SIPA1L1: variants seen among roughly 807,000 people sequenced by gnomAD.
The protein encoded by SIPA1L1 is signal induced proliferation associated 1 like 1, also known as signal-induced proliferation-associated 1-like protein 1.
In SIPA1L1, 26 loss-of-function variants were observed where a neutral mutation model predicts 162.7. The ratio of observed to expected loss-of-function variants is 0.16; its 90% CI spans 0.12 to 0.22. SIPA1L1 has a LOEUF of 0.22. Among genes scored for constraint, SIPA1L1 ranks in the 10% least tolerant of loss-of-function variants. The pLI, the probability that SIPA1L1 is intolerant of heterozygous loss-of-function variation, is 1.00. For synonymous variants in SIPA1L1, 829 were observed against 837.4 expected (o/e 0.99, Z 0.17); for missense variants, 1,874 against 2,241.0 (o/e 0.84, Z 3.31).
chr14:71,372,547 C>A (rs1363369495), intron 2 of SIPA1L1, among the ~76,000 whole-genome samples: 2 of 152,034 alleles, frequency 1.3e-5, no homozygotes, highest in African/African-American at 4.8e-5. Flanking sequence ...ACATTCTGTC[C>A]TAGTGACTAA....
At chr14:71,325,606 T>C (rs768217895) in intron 2 of SIPA1L1, among the ~76,000 whole-genome samples, 11 of 152,198 alleles carry the variant, frequency 7.2e-5, no homozygotes, top group Non-Finnish European at 1.6e-4. Context: ...CATTTGCAAA[T>C]AGAACAGAGT....
intron 2 of SIPA1L1, among the ~76,000 whole-genome samples, chr14:71,417,800 A>C (rs2042915445): frequency 6.6e-6 from 1 of 152,208 alleles, no homozygotes; most frequent in South Asian, 2.1e-4. Context: ...AATGCTAACT[A>C]TAATACAGTA....
rs1008581846 is a variant in SIPA1L1 at position 71,522,492 on chromosome 14, T to C, written c.-361-6820T>C. Among the ~76,000 whole-genome samples the C allele has an allele frequency of 7.9e-5, 12 of 152,232 alleles. No individual in the cohort carries two copies. In the East Asian group the frequency reaches 2.3e-3, roughly 29 times the overall value. ...TTTGGAATATTTGTAGTATACTTTC[T>C]AGTTGAGCATCCCTATCTGAAAAAC... is the stretch of plus-strand genomic sequence containing the variant. On this transcript the variant is annotated intron_variant, in intron 3 of 23. Coordinates refer to ENST00000381232, the MANE Select transcript of SIPA1L1 (RefSeq NM_001386936.1).
At chr14:71,655,957 A>T (rs2043018431) in intron 8 of SIPA1L1, among the ~76,000 whole-genome samples, 1 of 152,096 alleles carries the variant, frequency 6.6e-6, no homozygotes, top group Admixed American at 6.6e-5. Flanking sequence ...TATAGCAAAC[A>T]TTCTTTTTTC....
chr14:71,565,955 A>G (rs564091634), intron 4 of SIPA1L1, among the ~76,000 whole-genome samples: 1 of 152,242 alleles, frequency 6.6e-6, no homozygotes, highest in African/African-American at 2.4e-5. Flanking sequence ...TTAACATTAT[A>G]TCTTAAATTT....
At chr14:71,631,029 C>G in intron 7 of SIPA1L1, among the ~76,000 whole-genome samples, 1 of 152,096 alleles carries the variant, frequency 6.6e-6, no homozygotes, top group African/African-American at 2.4e-5. Context: ...CCCAGCCCCC[C>G]AGCCCCTGAC....
chr14:71,708,766 A>G (rs912111623), intron 16 of SIPA1L1, among the ~76,000 whole-genome samples: 1 of 152,224 alleles, frequency 6.6e-6, no homozygotes, highest in African/African-American at 2.4e-5. Flanking sequence ...TGTCTCCTAA[A>G]CAGAGGCTAA....
chr14:71,395,565 G>A (rs368581598), intron 2 of SIPA1L1, among the ~76,000 whole-genome samples: 51 of 152,298 alleles, frequency 3.3e-4, no homozygotes, highest in Admixed American at 1.1e-3. Flanking sequence ...GGGGGCTGAG[G>A]TGCGAGGATC....
rs1333251694 is a variant in SIPA1L1 at position 71,392,163 on chromosome 14, A to G, written c.-465+70982A>G. On this transcript the variant is annotated intron_variant, in intron 2 of 23. Coordinates refer to ENST00000381232, the MANE Select transcript of SIPA1L1 (RefSeq NM_001386936.1). ...AAAGCTATAAATCCCAATACCCATT[A>G]TCTCCTGAGGACAGACAGTCTCCGG... is the stretch of plus-strand genomic sequence containing the variant. 2.0e-5 allele frequency among the ~76,000 whole-genome samples: 3 copies of G among 152,162 alleles called. No homozygotes were observed. In the East Asian group the frequency reaches 5.8e-4, roughly 29 times the overall value.
Position 71,411,935 on chromosome 14 carries a change from A to T in SIPA1L1, c.-465+90754A>T, listed in dbSNP as rs371988890. 2.6e-5 allele frequency among the ~76,000 whole-genome samples: 4 copies of T among 152,222 alleles called. No individual in the cohort carries two copies. The East Asian group carries it at 7.7e-4, about 29-fold the overall frequency. On this transcript the variant is annotated intron_variant, in intron 2 of 23. Coordinates refer to ENST00000381232, the MANE Select transcript of SIPA1L1 (RefSeq NM_001386936.1). ...TGATGGAATCTTTCTAAGTGTGTTC[A>T]TAAATCCTGTCCTTTTGCTTGAGTT...
chr14:71,563,328 A>G (rs1437960191), intron 4 of SIPA1L1, among the ~76,000 whole-genome samples: 6 of 149,760 alleles, frequency 4.0e-5, no homozygotes, highest in Admixed American at 6.6e-5. Context: ...TTTTAACACG[A>G]TTTTGTTAAA....
rs372655360 is a variant in SIPA1L1, at chr14:71,650,469, C to T, written c.1953C>T (p.Leu651=). Residue 651 remains leucine (L), a synonymous_variant, in exon 8 of 24, where the codon CTC becomes CTT. Transcript: ENST00000381232. ...AACTATTGGGAGAGCGAGTTCGGCTCAAAGGATTTGAGAAGTATCGAGCAC... is the reference window on the plus strand; with the variant it reads ...AACTATTGGGAGAGCGAGTTCGGCTTAAAGGATTTGAGAAGTATCGAGCAC... The part of the protein sequence containing the change: ...FLQLLGERVR[L]KGFEKYRAQL... The T allele has an allele frequency of 9.3e-6, 15 of 1,614,016 alleles. No individual in the cohort carries two copies. The highest frequency in any genetic ancestry group is 1.7e-5 in the Admixed American group (1 of 59,992).
At position 71,622,046 on chromosome 14, in the gene SIPA1L1, G is replaced by A. The variant is rs148973236; in HGVS notation, c.1630-2002G>A. Among the ~76,000 whole-genome samples, 308 of 152,182 alleles carry A rather than the reference G, an allele frequency of 2.0e-3. 2 individuals carry two copies. The highest frequency in any genetic ancestry group is 0.017 in the Admixed American group (257 of 15,282). ...TAGTTCCTTCACTTTTTTCACTGAA[G>A]CCCATTTACCTATTACAAATGAAAC... On this transcript the variant is annotated intron_variant, in intron 6 of 23. Coordinates refer to ENST00000381232, the MANE Select transcript of SIPA1L1 (RefSeq NM_001386936.1).
At chr14:71,577,069 CAAAA>C (rs747771194) in intron 4 of SIPA1L1, among the ~76,000 whole-genome samples, 37 of 111,554 alleles carry the variant, frequency 3.3e-4, no homozygotes, top group African/African-American at 1.1e-3. Context: ...GGTGACAGAG[CAAAA>C]AAAAAAAAAA....
chr14:71,529,633 G>T (rs988211360), intron 4 of SIPA1L1, among the ~76,000 whole-genome samples: 1 of 152,220 alleles, frequency 6.6e-6, no homozygotes, highest in African/African-American at 2.4e-5. Context: ...GAACATTAGG[G>T]TTGGATCCAT....
intron 5 of SIPA1L1, among the ~76,000 whole-genome samples, chr14:71,612,665 G>A (rs2038365947): frequency 6.6e-6 from 1 of 152,104 alleles, no homozygotes; most frequent in Non-Finnish European, 1.5e-5. Context: ...TTAAAGCCCT[G>A]TAACTCTTGT....
At chr14:71,442,172 CAAAAAA>C (rs368432068) in intron 2 of SIPA1L1, among the ~76,000 whole-genome samples, 3,515 of 25,622 alleles carry the variant, frequency 0.14, 36 homozygotes, top group African/African-American at 0.2. Flanking sequence ...GACTCTGTCT[CAAAAAA>C]AAAAAAAAAA....
chr14:71,500,244 G>A (rs2050101331), intron 2 of SIPA1L1, among the ~76,000 whole-genome samples: 1 of 152,066 alleles, frequency 6.6e-6, no homozygotes, highest in African/African-American at 2.4e-5. Flanking sequence ...ATCCAACAGA[G>A]CACTCATAAC....
intron 5 of SIPA1L1, among the ~76,000 whole-genome samples, chr14:71,608,153 A>G (rs1205006746): frequency 6.6e-6 from 1 of 152,196 alleles, no homozygotes; most frequent in Admixed American, 6.5e-5. Context: ...TTTGCATTCA[A>G]GTCAAGTCTG....
Sources: allele counts gnomAD v4.1 joint callset (sites outside exome capture counted in the v4.1 genomes callset), GRCh38; gene constraint gnomAD v4.1.1; transcripts MANE v1.5; gene names NCBI Gene and HGNC (gene_info 2026-07-23, HGNC 2026-07-21).